The following TPD52L1 variants were observed in gnomAD, a reference collection of about 807,000 sequenced individuals.
TPD52L1 encodes tumor protein D53.
In TPD52L1, 18 loss-of-function variants were observed where a neutral mutation model predicts 28.7. The observed-to-expected ratio is 0.63, with a 90% CI of 0.43 to 0.93. The LOEUF (loss-of-function observed/expected upper bound fraction) is 0.93. Among genes scored for constraint, TPD52L1 ranks in the 40% least tolerant of loss-of-function variants. The pLI is 0.00. For synonymous variants in TPD52L1, 75 were observed against 88.8 expected (o/e 0.84, Z 0.88); for missense variants, 203 against 254.8 (o/e 0.80, Z 1.39).
At chr6:125,220,577 G>A (rs1795169513) in intron 2 of TPD52L1, among the ~76,000 whole-genome samples, 1 of 152,194 alleles carries the variant, frequency 6.6e-6, no homozygotes, top group African/African-American at 2.4e-5. Context: ...TTTTAGGTCA[G>A]CAACTTAGCT....
chr6:125,217,470 G>T (rs1048740675), intron 1 of TPD52L1, among the ~76,000 whole-genome samples: 1 of 152,172 alleles, frequency 6.6e-6, no homozygotes, highest in Non-Finnish European at 1.5e-5. Context: ...TCCCTCGCAT[G>T]TGCAGTTCAC....
rs183408794 is a variant in TPD52L1, at chr6:125,155,851, C to T, written c.19+1881C>T. ...AGTCCCATGAGGTAGTTCATATTCT[C>T]ATTCCCATTCTACAGAGAGGAAACA... On this transcript the variant is annotated intron_variant, in intron 1 of 6. Transcript: ENST00000534000. 3.5e-3 allele frequency among the ~76,000 whole-genome samples: 538 copies of T among 152,310 alleles called. 3 individuals are homozygous for T. The highest frequency in any genetic ancestry group is 0.012 in the African/African-American group (517 of 41,562).
chr6:125,258,032 G>A (rs928602685), intron 6 of TPD52L1, among the ~76,000 whole-genome samples: 4 of 152,176 alleles, frequency 2.6e-5, no homozygotes, highest in Admixed American at 1.3e-4. Context: ...TTATTCAGCT[G>A]CCTCTGAATC....
chr6:125,216,657 G>T (rs1320783802), intron 1 of TPD52L1, among the ~76,000 whole-genome samples: 5 of 150,112 alleles, frequency 3.3e-5, no homozygotes, highest in Non-Finnish European at 7.4e-5. Flanking sequence ...GATTAATGTT[G>T]ATTTTAATTA....
chr6:125,214,433 A>G (rs1323352189), intron 1 of TPD52L1: 1 of 983,620 alleles, frequency 1.0e-6, no homozygotes, highest in Non-Finnish European at 1.2e-6. Flanking sequence ...ACAATCTACC[A>G]GGGATAGAGC....
intron 1 of TPD52L1, chr6:125,154,439 G>T (rs1250301202): frequency 2.0e-6 from 2 of 987,290 alleles, no homozygotes; most frequent in Non-Finnish European, 2.4e-6. Context: ...GGGTGGCTCC[G>T]CAGCCCGGCT....
chr6:125,242,998 C>G (rs1474648806), intron 3 of TPD52L1, among the ~76,000 whole-genome samples: 1 of 152,072 alleles, frequency 6.6e-6, no homozygotes, highest in East Asian at 1.9e-4. Context: ...TTGGTAGTGG[C>G]AATTTCTCTC....
At chr6:125,181,067 T>C (rs1473874801) in intron 1 of TPD52L1, among the ~76,000 whole-genome samples, 1 of 152,218 alleles carries the variant, frequency 6.6e-6, no homozygotes, top group Non-Finnish European at 1.5e-5. Context: ...CAGTTTGTTT[T>C]TCTCTTTAAG....
chr6:125,177,849 AT>A (rs1487506010), intron 1 of TPD52L1, among the ~76,000 whole-genome samples: 1 of 152,166 alleles, frequency 6.6e-6, no homozygotes, highest in Non-Finnish European at 1.5e-5. Flanking sequence ...TGATATACAC[AT>A]TCAATTAATA....
intron 4 of TPD52L1, 21 bp downstream of exon 4, chr6:125,248,404 G>A (rs750966512): frequency 5.6e-6 from 9 of 1,594,388 alleles, no homozygotes; most frequent in African/African-American, 1.3e-5. Flanking sequence ...AAAATACCAT[G>A]GGAACGGCGC....
At chr6:125,236,165 G>A (rs765290502) in intron 3 of TPD52L1, among the ~76,000 whole-genome samples, 148 of 152,218 alleles carry the variant, frequency 9.7e-4, no homozygotes, top group Non-Finnish European at 1.9e-3. Flanking sequence ...AAGGGATTTA[G>A]CTCCAGTGCC....
chr6:125,253,670 T>C (rs751615043), intron 4 of TPD52L1, 47 bp from the exon 5 acceptor site: 2 of 1,564,734 alleles, frequency 1.3e-6, no homozygotes, highest in Non-Finnish European at 1.8e-6. Context: ...TTATGTGTGC[T>C]CTCTTCTTTT....
chr6:125,233,839 T>C (rs1796100177), intron 3 of TPD52L1, among the ~76,000 whole-genome samples: 1 of 152,224 alleles, frequency 6.6e-6, no homozygotes, highest in African/African-American at 2.4e-5. Flanking sequence ...TTAACACCAA[T>C]GTTCAAATTA....
chr6:125,159,946 G>A (rs556799018), intron 1 of TPD52L1, among the ~76,000 whole-genome samples: 35 of 152,176 alleles, frequency 2.3e-4, no homozygotes, highest in African/African-American at 6.0e-4. Context: ...CATAGGTGCC[G>A]GTCTTTCCCA....
chr6:125,257,213 C>A, intron 6 of TPD52L1, 55 bp downstream of exon 6: 1 of 1,493,234 alleles, frequency 6.7e-7, no homozygotes. Context: ...GACAGCTTAG[C>A]CATTGCTGCG....
chr6:125,237,803 C>T (rs1384172847), intron 3 of TPD52L1, among the ~76,000 whole-genome samples: 2 of 151,940 alleles, frequency 1.3e-5, no homozygotes, highest in South Asian at 4.2e-4. Context: ...GCCACCCAGC[C>T]CTGATTTTGT....
chr6:125,161,616 G>A (rs1790526973), intron 1 of TPD52L1, among the ~76,000 whole-genome samples: 1 of 152,264 alleles, frequency 6.6e-6, no homozygotes, highest in Admixed American at 6.5e-5. Context: ...GTCTCAGAGA[G>A]TGGAGAGGGC....
intron 1 of TPD52L1, among the ~76,000 whole-genome samples, chr6:125,158,090 A>G (rs1336699120): frequency 2.6e-5 from 4 of 152,126 alleles, no homozygotes; most frequent in African/African-American, 9.7e-5. Context: ...TCTCTCTTAT[A>G]AGGACACTTG....
Position 125,163,304 on chromosome 6 carries a change from T to A in TPD52L1, c.19+9334T>A, listed in dbSNP as rs1790644260. 1.3e-5 allele frequency among the ~76,000 whole-genome samples: 2 copies of A among 152,172 alleles called. 1 individual carries two copies. The highest frequency in any genetic ancestry group is 4.1e-4 in the South Asian group (2 of 4,838). On this transcript the variant is annotated intron_variant, in intron 1 of 6. Coordinates refer to ENST00000534000, the MANE Select transcript of TPD52L1 (RefSeq NM_003287.4). ...ATGGCATGCACTTTTTTAAAAAGCA[T>A]GTTATTTAGTCAGGTGCAGTGGCTC... is the stretch of plus-strand genomic sequence containing the variant.
Sources: gnomAD v4.1 joint callset for allele counts (sites outside exome capture counted in the v4.1 genomes callset) on GRCh38, gnomAD v4.1.1 for gene constraint, MANE v1.5 for transcripts, NCBI Gene and HGNC (gene_info 2026-07-23, HGNC 2026-07-21) for gene names.